FHIP1A: variants seen among roughly 807,000 people sequenced by gnomAD.
FHIP1A encodes the protein FHF complex subunit HOOK interacting protein 1A.
FHIP1A carries 61 observed loss-of-function variants against 88.6 expected under a neutral mutation model. The observed-to-expected ratio is 0.69, with a 90% CI of 0.56 to 0.85. The LOEUF (loss-of-function observed/expected upper bound fraction) is 0.85. FHIP1A is among the 40% of genes least tolerant of loss of function. The probability of loss-of-function intolerance (pLI) is 0.00; values close to 1 mark genes in which losing one functional copy is unlikely to be tolerated. For synonymous variants in FHIP1A, 478 were observed against 496.0 expected (o/e 0.96, Z 0.48); for missense variants, 1,154 against 1,273.5 (o/e 0.91, Z 1.43).
intron 3 of FHIP1A, among the ~76,000 whole-genome samples, chr4:151,553,588 GA>G (rs1403201861): frequency 6.6e-6 from 1 of 152,112 alleles, no homozygotes; most frequent in Non-Finnish European, 1.5e-5. Context: ...AGTTGGAATT[GA>G]TTTGTATAGC....
intron 3 of FHIP1A, among the ~76,000 whole-genome samples, chr4:151,487,632 A>G (rs112606640): frequency 5.9e-5 from 9 of 152,392 alleles, no homozygotes; most frequent in African/African-American, 1.2e-4. Context: ...ACCATCAACC[A>G]TCAACCAAAT....
Position 151,566,234 on chromosome 4 carries a change from T to G in FHIP1A, c.-26T>G. 7.0e-7 allele frequency: 1 copy of G among 1,438,244 alleles called. No homozygotes were observed. Among genetic ancestry groups the G allele is most frequent in the East Asian group, 2.5e-5 (1 of 39,998 alleles). The allele number at this position is 1,438,244 out of a possible 1,614,324, so 89.1% of individuals were successfully genotyped here. ...AATTTTAATGAAAATTAAATATGACTTAGAAGCATTGATTTATGAAGGCTT... is the reference window on the plus strand; with the variant it reads ...AATTTTAATGAAAATTAAATATGACGTAGAAGCATTGATTTATGAAGGCTT... On this transcript the variant is annotated 5_prime_UTR_variant, in exon 4 of 14. Transcript: ENST00000435205.
intron 3 of FHIP1A, among the ~76,000 whole-genome samples, chr4:151,515,545 C>G (rs956879292): frequency 8.5e-5 from 13 of 152,248 alleles, no homozygotes; most frequent in Admixed American, 2.0e-4. Flanking sequence ...GATTGTATAT[C>G]TAGAAAACCC....
chr4:151,533,333 T>G (rs184708870), intron 3 of FHIP1A, among the ~76,000 whole-genome samples: 1 of 151,994 alleles, frequency 6.6e-6, no homozygotes, highest in Non-Finnish European at 1.5e-5. Context: ...GAGGATTGCT[T>G]GAGTCCAGGA....
rs145737677 is a variant in FHIP1A, at chr4:151,430,121, T to C, written c.-356+20656T>C. On this transcript the variant is annotated intron_variant, in intron 1 of 13. Coordinates refer to ENST00000435205, the MANE Select transcript of FHIP1A (RefSeq NM_001109977.3). ...GTGGGTTTTGCTGTTTCTGTTAAAA[T>C]CTTTCACAAAGCCTCTCTTCATGAA... is the stretch of plus-strand genomic sequence containing the variant. Among the ~76,000 whole-genome samples, 476 of 152,332 alleles carry C rather than the reference T, an allele frequency of 3.1e-3. 3 individuals carry two copies. Among genetic ancestry groups the C allele is most frequent in the African/African-American group, 0.011 (462 of 41,568 alleles).
intron 1 of FHIP1A, among the ~76,000 whole-genome samples, chr4:151,437,510 T>G (rs1184906727): frequency 6.6e-6 from 1 of 152,198 alleles, no homozygotes; most frequent in Non-Finnish European, 1.5e-5. Flanking sequence ...AGGGCTTGTT[T>G]GGAGCTGAAC....
intron 7 of FHIP1A, among the ~76,000 whole-genome samples, chr4:151,622,433 G>A (rs148211420): frequency 2.9e-4 from 44 of 152,246 alleles, no homozygotes; most frequent in African/African-American, 9.6e-4. Flanking sequence ...AGGGTGTCGT[G>A]GGTGTCTGTG....
chr4:151,428,431 C>A (rs1027885970), intron 1 of FHIP1A, among the ~76,000 whole-genome samples: 4 of 152,074 alleles, frequency 2.6e-5, no homozygotes, highest in African/African-American at 7.2e-5. Context: ...CAAATTCATT[C>A]ATTTCTCTCC....
chr4:151,476,777 A>G (rs1357906880), intron 2 of FHIP1A, among the ~76,000 whole-genome samples: 1 of 152,226 alleles, frequency 6.6e-6, no homozygotes, highest in Non-Finnish European at 1.5e-5. Context: ...ATTACGAAGA[A>G]TATGATAATC....
At chr4:151,634,133 C>A (rs1415234844) in intron 8 of FHIP1A, among the ~76,000 whole-genome samples, 1 of 151,544 alleles carries the variant, frequency 6.6e-6, no homozygotes, top group Admixed American at 6.6e-5. Context: ...TAACTATGAA[C>A]AATTCGAAAA....
At chr4:151,530,976 T>A (rs56301462) in intron 3 of FHIP1A, among the ~76,000 whole-genome samples, 4 of 151,798 alleles carry the variant, frequency 2.6e-5, no homozygotes, top group African/African-American at 7.3e-5. Context: ...ATTCCCAAAG[T>A]GGGGAGCTGT....
chr4:151,526,008 C>T (rs1731618510), intron 3 of FHIP1A, among the ~76,000 whole-genome samples: 1 of 152,104 alleles, frequency 6.6e-6, no homozygotes. Context: ...GCACATCTTG[C>T]ACCGCCCTTA....
chr4:151,472,268 TG>T (rs1395733165), intron 2 of FHIP1A, among the ~76,000 whole-genome samples: 1 of 152,186 alleles, frequency 6.6e-6, no homozygotes, highest in African/African-American at 2.4e-5. Context: ...GCTCTTTTCC[TG>T]TCAGCTGGCT....
chr4:151,504,597 G>T (rs62327235), intron 3 of FHIP1A, among the ~76,000 whole-genome samples: 51,651 of 145,828 alleles, frequency 0.35, 9,229 homozygotes, highest in Non-Finnish European at 0.4. Context: ...GTTATGTTAT[G>T]TTATGTTATG....
Position 151,532,133 on chromosome 4 carries a change from G to C in FHIP1A, c.-122-34005G>C, listed in dbSNP as rs144127196. Among the ~76,000 whole-genome samples the C allele has an allele frequency of 3.9e-3, 601 of 152,160 alleles. 3 individuals are homozygous for C. The highest frequency in any genetic ancestry group is 0.014 in the African/African-American group (581 of 41,502). ...GCTCTGCTGTTGTTTGGTCTATATCGTTTTTTTGGTTTTGTCATTGCGAAA... is the reference window on the plus strand; with the variant it reads ...GCTCTGCTGTTGTTTGGTCTATATCCTTTTTTTGGTTTTGTCATTGCGAAA... On this transcript the variant is annotated intron_variant, in intron 3 of 13. Coordinates refer to ENST00000435205, the MANE Select transcript of FHIP1A (RefSeq NM_001109977.3).
intron 2 of FHIP1A, among the ~76,000 whole-genome samples, chr4:151,466,267 C>T (rs753648252): frequency 6.6e-5 from 10 of 152,234 alleles, no homozygotes; most frequent in Middle Eastern, 6.8e-3. Context: ...AGGAGTACAA[C>T]TTACAAGGGA....
chr4:151,463,780 G>A (rs1371635184), intron 2 of FHIP1A, among the ~76,000 whole-genome samples: 5 of 152,192 alleles, frequency 3.3e-5, no homozygotes, highest in Non-Finnish European at 5.9e-5. Flanking sequence ...GTATCACCAT[G>A]ACACTGACTG....
intron 1 of FHIP1A, among the ~76,000 whole-genome samples, chr4:151,427,918 C>G (rs996562668): frequency 2.0e-5 from 3 of 151,982 alleles, no homozygotes; most frequent in Admixed American, 6.6e-5. Context: ...TTATGAAACT[C>G]GATGGTGATT....
At chr4:151,634,668 A>C (rs1736280747) in intron 8 of FHIP1A, among the ~76,000 whole-genome samples, 1 of 151,858 alleles carries the variant, frequency 6.6e-6, no homozygotes, top group Admixed American at 6.6e-5. Flanking sequence ...CGGTTTCATC[A>C]ACAAATGGTA....
Sources: gnomAD v4.1 joint callset for allele counts (sites outside exome capture counted in the v4.1 genomes callset) on GRCh38, gnomAD v4.1.1 for gene constraint, MANE v1.5 for transcripts, NCBI Gene and HGNC (gene_info 2026-07-23, HGNC 2026-07-21) for gene names.